The following IL7 variants were observed in gnomAD, a reference collection of about 807,000 sequenced individuals.
The protein encoded by IL7 is interleukin-7.
IL7 carries 3 observed loss-of-function variants against 21.6 expected under a neutral mutation model. The observed-to-expected ratio is 0.14, with a 90% confidence interval of 0.06 to 0.36. IL7 has a LOEUF of 0.36. Among genes scored for constraint, IL7 ranks in the 10% least tolerant of loss-of-function variants. The pLI is 1.00. For synonymous variants in IL7, 62 were observed against 68.1 expected (o/e 0.91, Z 0.44); for missense variants, 175 against 200.2 (o/e 0.87, Z 0.76).
intron 5 of IL7, among the ~76,000 whole-genome samples, chr8:78,735,847 C>A (rs1436739401): frequency 6.6e-6 from 1 of 151,984 alleles, no homozygotes; most frequent in East Asian, 1.9e-4. Flanking sequence ...TTTTATGAAC[C>A]AGGTGTGCTC....
At chr8:78,774,952 A>T (rs1435424815) in intron 2 of IL7, among the ~76,000 whole-genome samples, 1 of 152,110 alleles carries the variant, frequency 6.6e-6, no homozygotes, top group East Asian at 1.9e-4. Context: ...AAAATCTAAT[A>T]ATGTAATGAA....
At chr8:78,714,745 T>C (rs1179182456), downstream of IL7, among the ~76,000 whole-genome samples, 1 of 152,234 alleles carries the variant, frequency 6.6e-6, no homozygotes, top group Non-Finnish European at 1.5e-5. Flanking sequence ...CTCATTTATT[T>C]TAGTTGCTGC....
chr8:78,701,707 G>A (rs530226604), intron 3 of IL7, among the ~76,000 whole-genome samples: 1 of 152,282 alleles, frequency 6.6e-6, no homozygotes, highest in Admixed American at 6.5e-5. Flanking sequence ...GTGAAGGGAT[G>A]TTGAATTTTA....
intron 2 of IL7, among the ~76,000 whole-genome samples, chr8:78,796,247 C>T (rs1238190087): frequency 2.0e-5 from 3 of 151,784 alleles, no homozygotes; most frequent in Admixed American, 6.6e-5. Flanking sequence ...GGTTAATATA[C>T]AAAAATCAAT....
In IL7 at chr8:78,698,472, C is replaced by G. The variant is rs201695053; in HGVS notation, n.215-12525G>C. On this transcript the variant is annotated intron_variant and non_coding_transcript_variant, in intron 3 of 4. Transcript: ENST00000523959. ...GCTCTTTGGGAAACAAACTTCAGACCTTATCTCCCTCTCATAAAGGGATAG... is the reference window on the plus strand; with the variant it reads ...GCTCTTTGGGAAACAAACTTCAGACGTTATCTCCCTCTCATAAAGGGATAG... 1.4e-5 allele frequency: 22 copies of G among 1,613,054 alleles called. No homozygotes were observed. In the South Asian group the frequency reaches 1.5e-4, roughly 11 times the overall value.
chr8:78,759,216 C>CT (rs3071074), intron 2 of IL7, among the ~76,000 whole-genome samples: 2,317 of 131,904 alleles, frequency 0.018, 30 homozygotes, highest in African/African-American at 0.041. Context: ...CTGCTGGGTT[C>CT]TTTTTTTTTT....
At chr8:78,761,252 T>G in intron 2 of IL7, 1 of 1,604,662 alleles carries the variant, frequency 6.2e-7, no homozygotes, top group South Asian at 1.1e-5. Context: ...TGGTGATCGA[T>G]GGAAAAAAGA....
chr8:78,720,376 A>T (rs1174707290), intron 5 of IL7, among the ~76,000 whole-genome samples: 1 of 151,866 alleles, frequency 6.6e-6, no homozygotes, highest in Non-Finnish European at 1.5e-5. Context: ...TATATTATTA[A>T]ATAGAGCTGT....
intron 3 of IL7, among the ~76,000 whole-genome samples, chr8:78,705,726 G>A (rs909191514): frequency 1.3e-5 from 2 of 152,172 alleles, no homozygotes; most frequent in South Asian, 2.1e-4. Flanking sequence ...CCCTGTGGGA[G>A]TTCTATCCCA....
At position 78,739,248 on chromosome 8, in the gene IL7, A is replaced by T. The variant is rs538324432; in HGVS notation, c.229-613T>A. On this transcript the variant is annotated intron_variant, in intron 3 of 5. Coordinates refer to ENST00000263851, the MANE Select transcript of IL7 (RefSeq NM_000880.4). ...ATGATATAAACTTTTTAGGTTTTTT[A>T]AAGTGTAATATTATACCAACTAGAT... 9.8e-4 allele frequency among the ~76,000 whole-genome samples: 149 copies of T among 152,320 alleles called. No individual in the cohort carries two copies. The Middle Eastern group carries it at 0.02, about 21-fold the overall frequency.
chr8:78,705,030 A>G (rs1472482781), intron 3 of IL7, among the ~76,000 whole-genome samples: 1 of 151,950 alleles, frequency 6.6e-6, no homozygotes, highest in Admixed American at 6.6e-5. Flanking sequence ...GCTTCCTTTC[A>G]TTGGATTACA....
chr8:78,746,313 T>C (rs1383071598), intron 2 of IL7, among the ~76,000 whole-genome samples: 1 of 152,232 alleles, frequency 6.6e-6, no homozygotes, highest in Non-Finnish European at 1.5e-5. Context: ...TCTGTAGTCA[T>C]CTGGACTCCA....
chr8:78,801,586 A>C (rs960555558), intron 1 of IL7, among the ~76,000 whole-genome samples: 15 of 152,214 alleles, frequency 9.9e-5, no homozygotes, highest in African/African-American at 3.4e-4. Context: ...TCAAGTCAAA[A>C]CTTGAGACTT....
intron 2 of IL7, among the ~76,000 whole-genome samples, chr8:78,752,885 G>T (rs535727403): frequency 6.6e-6 from 1 of 152,124 alleles, no homozygotes; most frequent in South Asian, 2.1e-4. Flanking sequence ...GAGAATGATG[G>T]TTTCCTGCTT....
intron 2 of IL7, among the ~76,000 whole-genome samples, chr8:78,759,386 G>A (rs1425529864): frequency 6.6e-6 from 1 of 150,514 alleles, no homozygotes; most frequent in East Asian, 1.9e-4. Flanking sequence ...ATCAAGATGA[G>A]GCAGTAGATA....
At chr8:78,740,888 A>C (rs1811757048) in intron 2 of IL7, among the ~76,000 whole-genome samples, 1 of 152,036 alleles carries the variant, frequency 6.6e-6, no homozygotes, top group African/African-American at 2.4e-5. Context: ...ATTTACAAGG[A>C]ATGTAGTAGA....
chr8:78,783,723 C>T (rs552717839), intron 2 of IL7, among the ~76,000 whole-genome samples: 1 of 151,944 alleles, frequency 6.6e-6, no homozygotes, highest in Non-Finnish European at 1.5e-5. Flanking sequence ...AACTATATAA[C>T]CTGTGATTAA....
chr8:78,733,971 A>G, intron 5 of IL7, 139 bp from the exon 6 acceptor site: 3 of 586,254 alleles, frequency 5.1e-6, no homozygotes, highest in Non-Finnish European at 5.1e-6. Flanking sequence ...CATTTTAAAG[A>G]CGATGATTTC....
chr8:78,715,401 A>G (rs1811069850), downstream of IL7: 1 of 1,330,620 alleles, frequency 7.5e-7, no homozygotes, highest in Non-Finnish European at 1.0e-6. Flanking sequence ...GACCATACAC[A>G]AAAGTAAGTA....
Sources: gnomAD v4.1 joint callset for allele counts (sites outside exome capture counted in the v4.1 genomes callset) on GRCh38, gnomAD v4.1.1 for gene constraint, MANE v1.5 for transcripts, NCBI Gene and HGNC (gene_info 2026-07-23, HGNC 2026-07-21) for gene names.